TBCK: variants seen among roughly 807,000 people sequenced by gnomAD.
TBCK encodes TBC domain-containing protein kinase-like protein.
Under a neutral mutation model 113.4 loss-of-function variants are expected in TBCK, and 99 were observed. The ratio of observed to expected loss-of-function variants is 0.87; its 90% CI spans 0.74 to 1.03. The LOEUF is 1.03. TBCK is among the 50% of genes least tolerant of loss of function. The pLI is 0.00. For synonymous variants in TBCK, 369 were observed against 370.8 expected (o/e 1.00, Z 0.05); for missense variants, 1,045 against 1,061.3 (o/e 0.98, Z 0.21).
intron 2 of TBCK, among the ~76,000 whole-genome samples, chr4:106,301,046 G>A (rs1373803409): frequency 6.6e-6 from 1 of 152,086 alleles, no homozygotes; most frequent in Non-Finnish European, 1.5e-5. Context: ...CAAGAGTTCA[G>A]CTTGTCCTTC....
intron 2 of TBCK, among the ~76,000 whole-genome samples, chr4:106,298,505 A>G (rs960499518): frequency 6.6e-6 from 1 of 151,612 alleles, no homozygotes; most frequent in Non-Finnish European, 1.5e-5. Flanking sequence ...CAGCTACTCG[A>G]TGGCTGAGGC....
chr4:106,225,804 A>AAAT (rs1758179689), intron 19 of TBCK, among the ~76,000 whole-genome samples: 2 of 152,096 alleles, frequency 1.3e-5, no homozygotes, highest in Non-Finnish European at 2.9e-5. Context: ...TGTGTACACT[A>AAAT]CAGTCTCTAA....
intron 25 of TBCK, among the ~76,000 whole-genome samples, chr4:106,048,519 T>C (rs1305156043): frequency 6.6e-6 from 1 of 152,110 alleles, no homozygotes; most frequent in Non-Finnish European, 1.5e-5. Flanking sequence ...TGAACCCCAG[T>C]CCTTAAGAAA....
intron 3 of TBCK, among the ~76,000 whole-genome samples, chr4:106,265,556 G>A (rs924048507): frequency 6.6e-6 from 1 of 151,496 alleles, no homozygotes; most frequent in African/African-American, 2.4e-5. Flanking sequence ...GAGCAAGAGG[G>A]AAAGAGACAG....
intron 19 of TBCK, among the ~76,000 whole-genome samples, chr4:106,222,285 ATT>A (rs1757789616): frequency 6.6e-6 from 1 of 152,046 alleles, no homozygotes; most frequent in Non-Finnish European, 1.5e-5. Context: ...TGTATTAAAA[ATT>A]TTTGTTTCTC....
At chr4:106,072,160 C>T (rs1160388508) in intron 25 of TBCK, among the ~76,000 whole-genome samples, 3 of 152,106 alleles carry the variant, frequency 2.0e-5, no homozygotes, top group Non-Finnish European at 4.4e-5. Flanking sequence ...GGTTATTTTG[C>T]CCATTATTTG....
intron 3 of TBCK, among the ~76,000 whole-genome samples, chr4:106,293,547 T>C (rs1391192534): frequency 1.3e-5 from 2 of 152,170 alleles, no homozygotes; most frequent in East Asian, 3.8e-4. Flanking sequence ...CCTCCATCCA[T>C]GGAAAACCTG....
At chr4:106,159,301 C>A (rs1000848504) in intron 23 of TBCK, among the ~76,000 whole-genome samples, 1 of 151,826 alleles carries the variant, frequency 6.6e-6, no homozygotes, top group Admixed American at 6.6e-5. Flanking sequence ...AGAAATTAGG[C>A]AAGAAAAAGA....
intron 2 of TBCK, among the ~76,000 whole-genome samples, chr4:106,296,587 T>A (rs544532089): frequency 6.6e-6 from 1 of 152,284 alleles, no homozygotes; most frequent in Non-Finnish European, 1.5e-5. Flanking sequence ...ACATGTCAAG[T>A]GCAGGAGCAA....
At position 106,056,008 on chromosome 4, in the gene TBCK, G is replaced by A. The variant is rs929660335; in HGVS notation, c.2572-9328C>T. Among the ~76,000 whole-genome samples, 16 of 150,054 alleles carry A rather than the reference G, an allele frequency of 1.1e-4. 1 individual carries two copies. The highest frequency in any genetic ancestry group is 3.2e-4 in the African/African-American group (13 of 40,822). ...GCCCTACACCTTTTTTTCATGTTCT[G>A]TAGAATACTGTTTATTACATAAGTG... On this transcript the variant is annotated intron_variant, in intron 25 of 25. Transcript: ENST00000394708.
intron 25 of TBCK, among the ~76,000 whole-genome samples, chr4:106,069,980 A>G (rs1186256642): frequency 1.3e-5 from 2 of 152,140 alleles, no homozygotes; most frequent in East Asian, 3.8e-4. Flanking sequence ...TGATTTTTGC[A>G]CATTGATTTT....
intron 5 of TBCK, among the ~76,000 whole-genome samples, chr4:106,255,852 C>T (rs1028303303): frequency 3.9e-5 from 6 of 152,164 alleles, no homozygotes. Flanking sequence ...ATTTATTGAG[C>T]TATAGAACAC....
chr4:106,098,912 A>G (rs985762066), intron 24 of TBCK, among the ~76,000 whole-genome samples: 5 of 152,102 alleles, frequency 3.3e-5, no homozygotes, highest in Non-Finnish European at 7.4e-5. Flanking sequence ...AAAAATTTGC[A>G]TTAAACAGAA....
upstream of TBCK, chr4:106,316,622 C>A: frequency 6.5e-7 from 1 of 1,549,774 alleles, no homozygotes; most frequent in Non-Finnish European, 8.7e-7. Context: ...GGGTCACTCA[C>A]TCGGGGATCG....
Position 106,216,432 on chromosome 4 carries a change from G to T in TBCK, c.1775-3597C>A, listed in dbSNP as rs528071798. The stretch of plus-strand genomic sequence containing the variant: ...AAAAAATTACTGAATCCAGGAGCTG[G>T]TTTTCTGAAAGGATCAACAAAATTG... On this transcript the variant is annotated intron_variant, in intron 19 of 25. Coordinates refer to ENST00000394708, the MANE Select transcript of TBCK (RefSeq NM_001163435.3). Among the ~76,000 whole-genome samples the T allele has an allele frequency of 2.5e-4, 38 of 152,246 alleles. No individual in the cohort carries two copies. In the South Asian group the frequency reaches 7.7e-3, roughly 31 times the overall value.
intron 23 of TBCK, among the ~76,000 whole-genome samples, chr4:106,168,661 T>C (rs760075776): frequency 5.9e-5 from 9 of 151,882 alleles, no homozygotes; most frequent in Non-Finnish European, 1.0e-4. Flanking sequence ...GAAGTTAATA[T>C]AAAAGGTCAA....
At chr4:106,133,381 G>A (rs1007788734) in intron 23 of TBCK, among the ~76,000 whole-genome samples, 2 of 152,052 alleles carry the variant, frequency 1.3e-5, no homozygotes, top group Non-Finnish European at 2.9e-5. Flanking sequence ...CCCAGCAAAT[G>A]GAACTGTGAG....
At chr4:106,137,324 A>G (rs1411951573) in intron 23 of TBCK, among the ~76,000 whole-genome samples, 3 of 140,892 alleles carry the variant, frequency 2.1e-5, no homozygotes, top group African/African-American at 7.5e-5. Flanking sequence ...AAGACTTGTA[A>G]AAACATAAAT....
chr4:106,185,172 T>G (rs1752872016), intron 22 of TBCK, among the ~76,000 whole-genome samples: 1 of 152,102 alleles, frequency 6.6e-6, no homozygotes. Context: ...GCTTGAAATT[T>G]TAAGTAATTA....
Sources: gnomAD v4.1 joint callset for allele counts (sites outside exome capture counted in the v4.1 genomes callset) on GRCh38, gnomAD v4.1.1 for gene constraint, MANE v1.5 for transcripts, NCBI Gene and HGNC (gene_info 2026-07-23, HGNC 2026-07-21) for gene names.